DLC1: variants seen among roughly 807,000 people sequenced by gnomAD.
The protein encoded by DLC1 is DLC1 Rho GTPase activating protein, also known as rho GTPase-activating protein 7.
A neutral mutation model predicts 140.3 loss-of-function variants in DLC1; 54 were observed. The ratio of observed to expected loss-of-function variants is 0.38; its 90% CI spans 0.31 to 0.48. The LOEUF (loss-of-function observed/expected upper bound fraction) is 0.48, where lower values mean the gene tolerates loss of function less well. DLC1 is among the 20% of genes least tolerant of loss of function. The probability of loss-of-function intolerance (pLI) is 0.96; values close to 1 mark genes in which losing one functional copy is unlikely to be tolerated. For missense variants in DLC1, 2,536 were observed against 1,907.0 expected (o/e 1.33, Z -6.14); for synonymous variants, 986 against 728.1 (o/e 1.35, Z -5.70).
intron 4 of DLC1, among the ~76,000 whole-genome samples, chr8:13,380,592 A>G (rs1586240961): frequency 1.3e-5 from 2 of 152,280 alleles, no homozygotes; most frequent in East Asian, 1.9e-4. Context: ...AAAAAATACC[A>G]CTATAACCTT....
Position 13,276,531 on chromosome 8 carries a change from C to G in DLC1, c.1348+28738G>C, listed in dbSNP as rs1337391079. The G allele has an allele frequency of 5.4e-6, 7 of 1,290,796 alleles. No individual in the cohort carries two copies. In the East Asian group the frequency reaches 1.6e-4, roughly 29 times the overall value. The allele number at this position is 1,290,796 out of a possible 1,614,324, so 80.0% of individuals were successfully genotyped here. ...CGGCATTGCGGCTGGCACTGCGGCC[C>G]CGGGAAGCGCCAACTGCAGGCGGCC... is the stretch of plus-strand genomic sequence containing the variant. On this transcript the variant is annotated intron_variant, in intron 5 of 17. Coordinates refer to ENST00000276297, the MANE Select transcript of DLC1 (RefSeq NM_182643.3).
At chr8:13,589,712 G>A (rs73212173) in intron 1 of DLC1, among the ~76,000 whole-genome samples, 25,803 of 149,976 alleles carry the variant, frequency 0.17, 2,794 homozygotes, top group African/African-American at 0.29. Flanking sequence ...CACAGATTTA[G>A]GAAGCTTTCA....
chr8:13,098,179 C>T (rs1211030005), intron 10 of DLC1, among the ~76,000 whole-genome samples: 4 of 151,852 alleles, frequency 2.6e-5, no homozygotes, highest in African/African-American at 9.7e-5. Flanking sequence ...GAGCCGAGAT[C>T]GCACCACTGC....
At chr8:13,134,008 C>T (rs1822361821) in intron 5 of DLC1, among the ~76,000 whole-genome samples, 2 of 152,146 alleles carry the variant, frequency 1.3e-5, no homozygotes, top group African/African-American at 4.8e-5. Flanking sequence ...TCAAACTGGC[C>T]CTTGGGCCAC....
rs139971356 is a variant in DLC1 at position 13,440,850 on chromosome 8, C to T, written c.1024-39231G>A. Among the ~76,000 whole-genome samples, 533 of 152,206 alleles carry T rather than the reference C, an allele frequency of 3.5e-3. 3 individuals carry two copies. Among genetic ancestry groups the T allele is most frequent in the African/African-American group, 0.012 (515 of 41,514 alleles). ...CACGTAAGAAGTGCCTTTTGCTTCC[C>T]GCCGTGATTCTGAGGCCTCTCCAGC... On this transcript the variant is annotated intron_variant, in intron 2 of 17. Coordinates refer to ENST00000276297, the MANE Select transcript of DLC1 (RefSeq NM_182643.3).
chr8:13,432,625 C>T (rs1838932020), intron 2 of DLC1, among the ~76,000 whole-genome samples: 1 of 152,032 alleles, frequency 6.6e-6, no homozygotes, highest in African/African-American at 2.4e-5. Flanking sequence ...TCTCTTCTGC[C>T]CATAGGAAGA....
intron 1 of DLC1, among the ~76,000 whole-genome samples, chr8:13,582,878 C>CCATATATA (rs1461616416): frequency 0.015 from 1,589 of 102,958 alleles, 128 homozygotes; most frequent in Middle Eastern, 0.03. Flanking sequence ...ATACTGTGGT[C>CCATATATA]TATATATATA....
intron 5 of DLC1, among the ~76,000 whole-genome samples, chr8:13,300,190 C>G (rs1243462697): frequency 6.6e-6 from 1 of 152,108 alleles, no homozygotes; most frequent in East Asian, 1.9e-4. Flanking sequence ...GAACAGAAAA[C>G]CAAACCCCTC....
In DLC1 at chr8:13,100,487, C is replaced by A; in HGVS notation, c.1850G>T (p.Arg617Leu). Residue 617 changes from arginine to leucine, a missense_variant, in exon 9 of 18, where the codon CGG becomes CTG. Transcript: ENST00000276297. ...GCAAACGCTGATGACGGAGTTAGTC[C>A]GGGGGGTGGCAGCATCCTCGCTGGG... ...APPSEDAATPRTNSVISVCSS... is the reference protein window; with the variant it reads ...APPSEDAATPLTNSVISVCSS... The A allele has an allele frequency of 6.2e-7, 1 of 1,612,766 alleles. No individual in the cohort carries two copies. The highest frequency in any genetic ancestry group is 8.5e-7 in the Non-Finnish European group (1 of 1,179,936).
intron 4 of DLC1, among the ~76,000 whole-genome samples, chr8:13,308,077 G>C (rs1202220378): frequency 2.0e-5 from 3 of 152,204 alleles, no homozygotes; most frequent in Non-Finnish European, 2.9e-5. Flanking sequence ...AAGTTGACCA[G>C]TGACAAAAAC....
chr8:13,152,821 G>GAAGAAAAA (rs1554451764), intron 5 of DLC1, among the ~76,000 whole-genome samples: 1 of 6,362 alleles, frequency 1.6e-4, no homozygotes, highest in Non-Finnish European at 5.5e-4. Flanking sequence ...TGTCTCTGGG[G>GAAGAAAAA]AAGAAAAAAA....
intron 2 of DLC1, among the ~76,000 whole-genome samples, chr8:13,465,787 A>G (rs1460847406): frequency 6.6e-6 from 1 of 152,076 alleles, no homozygotes; most frequent in Non-Finnish European, 1.5e-5. Context: ...TATTCTTTCT[A>G]TGTTATTTAT....
At chr8:13,175,359 GA>G (rs1935648616) in intron 5 of DLC1, among the ~76,000 whole-genome samples, 1 of 134,984 alleles carries the variant, frequency 7.4e-6, no homozygotes, top group Non-Finnish European at 1.6e-5. Flanking sequence ...TTTTTGGTTT[GA>G]TATGAAGTTC....
intron 2 of DLC1, among the ~76,000 whole-genome samples, chr8:13,412,876 A>G (rs13263329): frequency 0.11 from 16,063 of 148,564 alleles, 1,032 homozygotes; most frequent in Middle Eastern, 0.19. Flanking sequence ...AGCTTGCAGT[A>G]AGCTGAGATC....
intron 1 of DLC1, among the ~76,000 whole-genome samples, chr8:13,579,035 C>T (rs931357454): frequency 7.9e-5 from 12 of 151,498 alleles, no homozygotes; most frequent in African/African-American, 2.9e-4. Flanking sequence ...CAAGCAATCA[C>T]TGCACTAGAA....
At chr8:13,274,615 A>T (rs1177328949) in intron 5 of DLC1, among the ~76,000 whole-genome samples, 2 of 152,220 alleles carry the variant, frequency 1.3e-5, no homozygotes, top group Admixed American at 1.3e-4. Context: ...ACAGACAAAT[A>T]AGAAGAAAGA....
chr8:13,150,025 G>C (rs1207220494), intron 5 of DLC1, among the ~76,000 whole-genome samples: 3 of 152,212 alleles, frequency 2.0e-5, no homozygotes, highest in African/African-American at 7.2e-5. Flanking sequence ...TCAGCCATTT[G>C]TCTCTGAAGG....
chr8:13,169,023 C>T (rs1825286685), intron 5 of DLC1, among the ~76,000 whole-genome samples: 1 of 152,178 alleles, frequency 6.6e-6, no homozygotes. Flanking sequence ...TTAGAATTTT[C>T]TGTGAAGTTT....
intron 1 of DLC1, among the ~76,000 whole-genome samples, chr8:13,548,347 A>G (rs1803723701): frequency 6.9e-6 from 1 of 144,584 alleles, no homozygotes; most frequent in South Asian, 2.3e-4. Flanking sequence ...CTTTTGGTTT[A>G]TATCTTGTTC....
Sources: allele counts gnomAD v4.1 joint callset (sites outside exome capture counted in the v4.1 genomes callset), GRCh38; gene constraint gnomAD v4.1.1; transcripts MANE v1.5; gene names NCBI Gene and HGNC (gene_info 2026-07-23, HGNC 2026-07-21).